Variants in USP15 observed in about 807,000 individuals in gnomAD.
The protein encoded by USP15 is ubiquitin carboxyl-terminal hydrolase 15.
A neutral mutation model predicts 127.1 loss-of-function variants in USP15; 18 were observed. The ratio of observed to expected loss-of-function variants is 0.14; its 90% CI spans 0.10 to 0.21. The LOEUF (loss-of-function observed/expected upper bound fraction) is 0.21. Among genes scored for constraint, USP15 ranks in the 10% least tolerant of loss-of-function variants. USP15 has a pLI of 1.00. For missense variants in USP15, 805 were observed against 1,159.9 expected (o/e 0.69, Z 4.44); for synonymous variants, 364 against 393.7 (o/e 0.92, Z 0.89).
At chr12:62,302,766 T>C in intron 2 of USP15, 24 bp from the exon 3 acceptor site, 2 of 1,597,120 alleles carry the variant, frequency 1.3e-6, no homozygotes, top group Non-Finnish European at 1.7e-6. Context: ...GAGTTAGGTA[T>C]TGAGTTTATT....
At chr12:62,343,046 A>G (rs2065694944) in intron 6 of USP15, among the ~76,000 whole-genome samples, 1 of 152,184 alleles carries the variant, frequency 6.6e-6, no homozygotes, top group African/African-American at 2.4e-5. Flanking sequence ...TCTCTGTCCC[A>G]GGGAGATGAG....
chr12:62,324,015 A>G (rs1218572781), intron 5 of USP15, among the ~76,000 whole-genome samples: 1 of 150,816 alleles, frequency 6.6e-6, no homozygotes, highest in African/African-American at 2.4e-5. Context: ...TTTTTTTTTA[A>G]TACTTAGATT....
intron 6 of USP15, among the ~76,000 whole-genome samples, chr12:62,342,043 C>T (rs2065664855): frequency 6.6e-6 from 1 of 152,142 alleles, no homozygotes; most frequent in Non-Finnish European, 1.5e-5. Context: ...CTTTCAGTTA[C>T]ACTAATCAAT....
At chr12:62,376,780 C>G (rs1237040622) in intron 8 of USP15, among the ~76,000 whole-genome samples, 3 of 152,110 alleles carry the variant, frequency 2.0e-5, no homozygotes, top group East Asian at 1.9e-4. Context: ...GAGATATTCA[C>G]GTAGGCACAA....
At position 62,410,556 on chromosome 12, in the gene USP15, A is replaced by G. The variant is rs569164868; in HGVS notation, c.*6181A>G. 1.3e-5 allele frequency: 2 copies of G among 152,144 alleles called. No homozygotes were observed. Among genetic ancestry groups the G allele is most frequent in the African/African-American group, 4.8e-5 (2 of 41,440 alleles). 9.4% of individuals were successfully genotyped at this position (152,144 alleles called of 1,614,324 possible). A position where few individuals can be genotyped will look rare whatever the true frequency, so the allele number is the denominator to read the frequency against. On this transcript the variant is annotated 3_prime_UTR_variant, in exon 22 of 22. Coordinates refer to ENST00000280377, the MANE Select transcript of USP15 (RefSeq NM_001252078.2). The stretch of plus-strand genomic sequence containing the variant: ...TAAGTTGAAGTAATACTGCAAATTC[A>G]AACAGTAAACATCATTAATCCTAGA...
intron 6 of USP15, among the ~76,000 whole-genome samples, chr12:62,341,396 T>G (rs1026523349): frequency 9.9e-5 from 15 of 152,244 alleles, no homozygotes; most frequent in African/African-American, 3.4e-4. Context: ...TAAATATTGT[T>G]ATGTGTGAAT....
In USP15 at chr12:62,407,109, G is replaced by A. The variant is rs1409400311; in HGVS notation, c.*2734G>A. The A allele has an allele frequency of 6.6e-6, 1 of 152,174 alleles. No individual in the cohort carries two copies. The highest frequency in any genetic ancestry group is 1.5e-5 in the Non-Finnish European group (1 of 68,034). 9.4% of individuals were successfully genotyped at this position (152,174 alleles called of 1,614,324 possible). On this transcript the variant is annotated 3_prime_UTR_variant, in exon 22 of 22. Coordinates refer to ENST00000280377, the MANE Select transcript of USP15 (RefSeq NM_001252078.2). Reference sequence around the variant, plus strand: ...GTTTCTTTACCTGTAGAATAATGATGATAATAGCCAGCATTTATTGAGCAC... The same window carrying A: ...GTTTCTTTACCTGTAGAATAATGATAATAATAGCCAGCATTTATTGAGCAC...
chr12:62,353,927 A>G (rs938141106), intron 7 of USP15, among the ~76,000 whole-genome samples: 3 of 152,034 alleles, frequency 2.0e-5, no homozygotes, highest in Admixed American at 6.6e-5. Context: ...CCGAATTTGA[A>G]TTGATTAATG....
At chr12:62,316,569 A>G (rs912957779) in intron 4 of USP15, among the ~76,000 whole-genome samples, 1 of 152,104 alleles carries the variant, frequency 6.6e-6, no homozygotes, top group Non-Finnish European at 1.5e-5. Flanking sequence ...GTCGTCTCTG[A>G]AGTTTATAGC....
chr12:62,278,966 A>G (rs992797820), intron 1 of USP15: 2 of 152,176 alleles, frequency 1.3e-5, no homozygotes, highest in African/African-American at 4.8e-5. Context: ...AAAAATCTTA[A>G]GTCACACCGT....
intron 3 of USP15, chr12:62,312,246 A>AT (rs1393308977): frequency 1.2e-5 from 4 of 326,570 alleles, no homozygotes; most frequent in Non-Finnish European, 1.9e-5. Context: ...ATAGTACTAG[A>AT]TTTTTTTAGA....
At chr12:62,396,530 T>C (rs1478747996) in intron 20 of USP15, 132 bp downstream of exon 20, 4 of 759,694 alleles carry the variant, frequency 5.3e-6, no homozygotes, top group Non-Finnish European at 8.6e-6. Context: ...TCAGTATTGA[T>C]TAATGAATGA....
Position 62,281,882 on chromosome 12 carries a change from A to G in USP15, c.90-12297A>G, listed in dbSNP as rs561609270. On this transcript the variant is annotated intron_variant, in intron 1 of 21. Transcript: ENST00000280377. The stretch of plus-strand genomic sequence containing the variant: ...GACAGTTGACATAGAAATGTATGAC[A>G]TTATAGAAGGTTTACCAAGTATATA... Among the ~76,000 whole-genome samples, 60 of 152,322 alleles carry G rather than the reference A, an allele frequency of 3.9e-4. 2 individuals are homozygous for G. Among genetic ancestry groups the G allele is most frequent in the Admixed American group, 3.3e-3 (50 of 15,304 alleles).
intron 3 of USP15, chr12:62,304,962 A>G: frequency 4.6e-6 from 1 of 215,216 alleles, no homozygotes; most frequent in Non-Finnish European, 9.6e-6. Context: ...ACCAAACAGA[A>G]CTGAAGAGAA....
At chr12:62,372,243 C>T (rs2066695580) in intron 8 of USP15, among the ~76,000 whole-genome samples, 1 of 151,928 alleles carries the variant, frequency 6.6e-6, no homozygotes, top group Admixed American at 6.6e-5. Flanking sequence ...AGAGAGCTAC[C>T]TATATATGTA....
At chr12:62,272,093 A>C (rs2063357277) in intron 1 of USP15, among the ~76,000 whole-genome samples, 1 of 151,804 alleles carries the variant, frequency 6.6e-6, no homozygotes, top group Admixed American at 6.6e-5. Context: ...TAATAATTTA[A>C]AATACTAGAT....
At chr12:62,271,689 A>G (rs2063348302) in intron 1 of USP15, among the ~76,000 whole-genome samples, 1 of 151,692 alleles carries the variant, frequency 6.6e-6, no homozygotes, top group African/African-American at 2.4e-5. Flanking sequence ...ATATATGCTT[A>G]TCACGCTTAT....
At chr12:62,392,973 A>G (rs530678024) in intron 18 of USP15, 80 bp from the exon 19 acceptor site, 71 of 1,520,498 alleles carry the variant, frequency 4.7e-5, no homozygotes, top group Non-Finnish European at 2.7e-5. Context: ...AGAACTTTCC[A>G]AACATTTTTG....
Position 62,261,608 on chromosome 12 carries a change from A to C in USP15, c.89+1105A>C, listed in dbSNP as rs533664171. On this transcript the variant is annotated intron_variant, in intron 1 of 21. Transcript: ENST00000280377. ...TTAATTTAAATCATTGCACCTCATT[A>C]TCTTCATGCTGTAAAATGGACAGTA... Among the ~76,000 whole-genome samples, 153 of 152,312 alleles carry C rather than the reference A, an allele frequency of 1.0e-3. 2 individuals are homozygous for C. Among genetic ancestry groups the C allele is most frequent in the African/African-American group, 3.6e-3 (149 of 41,572 alleles).
Sources: allele counts gnomAD v4.1 joint callset (sites outside exome capture counted in the v4.1 genomes callset), GRCh38; gene constraint gnomAD v4.1.1; transcripts MANE v1.5; gene names NCBI Gene and HGNC (gene_info 2026-07-23, HGNC 2026-07-21).